The following GPX3 variants were observed in gnomAD, a reference collection of about 807,000 sequenced individuals.
GPX3 encodes GPx-3.
In GPX3, 22 loss-of-function variants were observed where a neutral mutation model predicts 25.1. That is an observed-to-expected ratio of 0.88 (90% CI 0.63 to 1.25). GPX3 has a LOEUF of 1.25. Among genes scored for constraint, GPX3 ranks in the 50% most tolerant of loss-of-function variants. GPX3 has a pLI of 0.00. For synonymous variants in GPX3, 110 were observed against 114.5 expected, an observed-to-expected ratio of 0.96 and a Z score of 0.25; for missense variants, 278 against 286.6, an observed-to-expected ratio of 0.97 and a Z score of 0.22.
Position 151,028,457 on chromosome 5 carries a change from T to C in GPX3, c.*327T>C. Reference sequence around the variant, plus strand: ...GTGTAGTGCTGGACAGTGACAACCCTTTCTCTCCAGTTCTCCACTCCAATG... The same window carrying C: ...GTGTAGTGCTGGACAGTGACAACCCCTTCTCTCCAGTTCTCCACTCCAATG... On this transcript the variant is annotated 3_prime_UTR_variant, in exon 5 of 5. Transcript: ENST00000388825. 1 of 336,152 alleles carries C rather than the reference T, an allele frequency of 3.0e-6. No individual in the cohort carries two copies. The highest frequency in any genetic ancestry group is 5.7e-6 in the Non-Finnish European group (1 of 175,264). The allele number at this position is 336,152 out of a possible 1,614,324, so 20.8% of individuals were successfully genotyped here.
At position 151,020,654 on chromosome 5, in the gene GPX3, C is replaced by T; in HGVS notation, c.-1C>T. The T allele has an allele frequency of 3.1e-6, 5 of 1,607,514 alleles. No individual in the cohort carries two copies. Among genetic ancestry groups the T allele is most frequent in the Non-Finnish European group, 4.2e-6 (5 of 1,177,864 alleles). ...GACCCTGAGTGTGCCCCCACCCCGC[C>T]ATGGCCCGGCTGCTGCAGGCGTCCT... is the stretch of plus-strand genomic sequence containing the variant. On this transcript the variant is annotated 5_prime_UTR_variant, in exon 1 of 5. Coordinates refer to ENST00000388825, the MANE Select transcript of GPX3 (RefSeq NM_002084.5).
chr5:151,024,068 G>A (rs1756513332), intron 1 of GPX3, among the ~76,000 whole-genome samples: 1 of 152,206 alleles, frequency 6.6e-6, no homozygotes, highest in African/African-American at 2.4e-5. Context: ...TTGAGGGGAA[G>A]AGAGGGAGTG....
At chr5:151,023,636 C>A (rs889147866) in intron 1 of GPX3, among the ~76,000 whole-genome samples, 2 of 152,068 alleles carry the variant, frequency 1.3e-5, no homozygotes, top group Admixed American at 6.6e-5. Flanking sequence ...AGTGGAGAGG[C>A]TATAGACATG....
At position 151,027,505 on chromosome 5, in the gene GPX3, G is replaced by A. The variant is rs558592006; in HGVS notation, c.433G>A (p.Glu145Lys). 2.5e-6 allele frequency: 4 copies of A among 1,612,816 alleles called. No individual in the cohort carries two copies. The South Asian group carries it at 4.4e-5, about 18-fold the overall frequency. ...FEKGDVNGEK[E>K]QKFYTFLKNS... ...GAAAGGGGATGTCAATGGAGAGAAA[G>A]AGCAGAAATTCTACACTTTCCTAAA... The change falls in exon 4 of 5, where the codon GAG becomes AAG. Residue 145 changes from glutamate (E) to lysine (K), a missense_variant. Physicochemically the swap from Glu to Lys is moderately conservative, Grantham distance 56. Coordinates refer to ENST00000388825, the MANE Select transcript of GPX3 (RefSeq NM_002084.5).
chr5:151,024,839 T>C (rs1022715155), intron 1 of GPX3, among the ~76,000 whole-genome samples: 2 of 152,198 alleles, frequency 1.3e-5, no homozygotes, highest in African/African-American at 4.8e-5. Flanking sequence ...TCCTCCTTTC[T>C]GTTCAGTTTT....
intron 3 of GPX3, 152 bp from the exon 4 acceptor site, chr5:151,027,280 T>A: frequency 7.7e-6 from 5 of 648,888 alleles, no homozygotes; most frequent in Non-Finnish European, 1.4e-5. Flanking sequence ...ACTCACATTA[T>A]GCCTATGCCC....
chr5:151,024,383 CCT>C (rs987501179), intron 1 of GPX3, among the ~76,000 whole-genome samples: 2 of 152,214 alleles, frequency 1.3e-5, no homozygotes, highest in Admixed American at 6.5e-5. Flanking sequence ...ACCCCAATCC[CCT>C]CTCTCCCACT....
chr5:151,022,487 G>T (rs1277212119), intron 1 of GPX3, among the ~76,000 whole-genome samples: 6 of 152,192 alleles, frequency 3.9e-5, no homozygotes, highest in Non-Finnish European at 8.8e-5. Context: ...AGTTCTTAGA[G>T]TTCAGATGTC....
intron 4 of GPX3, 184 bp from the exon 5 acceptor site, chr5:151,027,725 A>T (rs1044709770): frequency 2.9e-6 from 2 of 688,728 alleles, no homozygotes. Context: ...AAGGCCCAGA[A>T]GGACCCAGAG....
intron 1 of GPX3, among the ~76,000 whole-genome samples, chr5:151,022,170 G>A (rs1452792681): frequency 6.6e-6 from 1 of 152,166 alleles, no homozygotes; most frequent in African/African-American, 2.4e-5. Context: ...TTTCAACATT[G>A]AGGTTTGGGG....
chr5:151,025,808 G>A (rs1351837997), intron 2 of GPX3, among the ~76,000 whole-genome samples: 1 of 152,214 alleles, frequency 6.6e-6, no homozygotes, highest in Non-Finnish European at 1.5e-5. Flanking sequence ...GATGGTAACT[G>A]AAGCTCCATC....
chr5:151,027,893 C>T lies in GPX3; in HGVS notation c.460-16C>T, dbSNP rs949325290. On this transcript the variant is annotated splice_polypyrimidine_tract_variant and intron_variant, in intron 4 of 4. Transcript: ENST00000388825. The stretch of plus-strand genomic sequence containing the variant: ...GGCCTCAAGCAAGGTTGACACTCCT[C>T]TTATCCCTGCTCTAGAACTCCTGTC... The T allele has an allele frequency of 4.4e-6, 7 of 1,605,124 alleles. No homozygotes were observed. The African/African-American group carries it at 8.0e-5, about 18-fold the overall frequency.
chr5:151,027,356 CT>C lies in GPX3; in HGVS notation c.360-75del, dbSNP rs1315619523. ...ATCCAGACTCCCAACACCCTCTCCC[CT>C]GTTCTGTCCCTTCCTCTCATTTCTG... On this transcript the variant is annotated intron_variant, in intron 3 of 4. Coordinates refer to ENST00000388825, the MANE Select transcript of GPX3 (RefSeq NM_002084.5). The C allele has an allele frequency of 1.3e-5, 12 of 934,658 alleles. No individual in the cohort carries two copies. The East Asian group carries it at 2.9e-4, about 22-fold the overall frequency. 57.9% of individuals were successfully genotyped at this position (934,658 alleles called of 1,614,324 possible).
chr5:151,022,564 G>A (rs1409778960), intron 1 of GPX3, among the ~76,000 whole-genome samples: 1 of 152,162 alleles, frequency 6.6e-6, no homozygotes, highest in African/African-American at 2.4e-5. Flanking sequence ...ATAGGGTTAT[G>A]GGGCATGTGG....
rs1756568891 is a variant in GPX3 at position 151,027,485 on chromosome 5, G to C, written c.413G>C (p.Gly138Ala). The C allele has an allele frequency of 6.2e-7, 1 of 1,613,834 alleles. No individual in the cohort carries two copies. The highest frequency in any genetic ancestry group is 2.2e-5 in the East Asian group (1 of 44,874). Residue 138 changes from glycine to alanine, a missense_variant, in exon 4 of 5, where the codon GGG becomes GCG. Transcript: ENST00000388825. ...CCTAATTTCCAGCTCTTTGAGAAAG[G>C]GGATGTCAATGGAGAGAAAGAGCAG... Reference protein sequence around the residue: ...FVPNFQLFEKGDVNGEKEQKF... With the variant: ...FVPNFQLFEKADVNGEKEQKF...
At chr5:151,021,767 G>C (rs1214376687) in intron 1 of GPX3, 1 of 152,852 alleles carries the variant, frequency 6.5e-6, no homozygotes, top group Non-Finnish European at 1.5e-5. Context: ...AGTGGGAGTG[G>C]GTGGGGAAGG....
Position 151,028,502 on chromosome 5 carries a change from T to C in GPX3, c.*372T>C. 1 of 248,138 alleles carries C rather than the reference T, an allele frequency of 4.0e-6. No individual in the cohort carries two copies. Among genetic ancestry groups the C allele is most frequent in the South Asian group, 4.6e-5 (1 of 21,768 alleles). The allele number at this position is 248,138 out of a possible 1,614,324, so 15.4% of individuals were successfully genotyped here. ...CCAATGATAATAGTTCACTTACACC[T>C]AAACCCAAAGGAAAAACCAGCTCTA... On this transcript the variant is annotated 3_prime_UTR_variant, in exon 5 of 5. Coordinates refer to ENST00000388825, the MANE Select transcript of GPX3 (RefSeq NM_002084.5).
chr5:151,027,926 C>T lies in GPX3; in HGVS notation c.477C>T (p.Thr159=). ...TGCTCTAGAACTCCTGTCCTCCCAC[C>T]TCGGAGCTCCTGGGTACATCTGACC... The part of the protein sequence containing the change: ...YTFLKNSCPP[T]SELLGTSDRL... Residue 159 remains threonine (T), a synonymous_variant, in exon 5 of 5, where the codon ACC becomes ACT. Coordinates refer to ENST00000388825, the MANE Select transcript of GPX3 (RefSeq NM_002084.5). 1 of 1,614,174 alleles carries T rather than the reference C, an allele frequency of 6.2e-7. No individual in the cohort carries two copies. The highest frequency in any genetic ancestry group is 8.5e-7 in the Non-Finnish European group (1 of 1,180,004).
At chr5:151,020,865 C>T (rs1175196098) in intron 1 of GPX3, 124 bp downstream of exon 1, 3 of 917,584 alleles carry the variant, frequency 3.3e-6, no homozygotes, top group South Asian at 2.8e-5. Flanking sequence ...GTGCGAGAGA[C>T]CTCCTGAACC....
Sources: allele counts gnomAD v4.1 joint callset (sites outside exome capture counted in the v4.1 genomes callset), GRCh38; gene constraint gnomAD v4.1.1; transcripts MANE v1.5; gene names NCBI Gene and HGNC (gene_info 2026-07-23, HGNC 2026-07-21).